GPAT4: variants seen among roughly 807,000 people sequenced by gnomAD.
The protein encoded by GPAT4 is 1-AGP acyltransferase 6.
GPAT4 carries 17 observed loss-of-function variants against 58.0 expected under a neutral mutation model. The observed-to-expected ratio is 0.29, with a 90% CI of 0.20 to 0.44. The LOEUF (loss-of-function observed/expected upper bound fraction) is 0.44, where lower values mean the gene tolerates loss of function less well. Among genes scored for constraint, GPAT4 ranks in the 20% least tolerant of loss-of-function variants. The probability of loss-of-function intolerance (pLI) is 1.00; values close to 1 mark genes in which losing one functional copy is unlikely to be tolerated. For synonymous variants in GPAT4, 204 were observed against 210.1 expected, an observed-to-expected ratio of 0.97 and a Z score of 0.25; for missense variants, 377 against 574.5, an observed-to-expected ratio of 0.66 and a Z score of 3.51.
At chr8:41,586,736 C>T (rs1347640612) in intron 1 of GPAT4, among the ~76,000 whole-genome samples, 3 of 152,154 alleles carry the variant, frequency 2.0e-5, no homozygotes, top group Non-Finnish European at 4.4e-5. Flanking sequence ...TGTGATCCCC[C>T]TCCTTTTTTT....
chr8:41,587,487 T>G (rs1223654804), intron 1 of GPAT4, among the ~76,000 whole-genome samples: 1 of 152,216 alleles, frequency 6.6e-6, no homozygotes, highest in African/African-American at 2.4e-5. Flanking sequence ...GCAGTCAGTA[T>G]CCCAGCACAT....
intron 10 of GPAT4, 144 bp from the exon 11 acceptor site, chr8:41,618,540 G>T: frequency 9.8e-7 from 1 of 1,019,568 alleles, no homozygotes. Flanking sequence ...CATGGAGAGG[G>T]GCTTCCACAG....
intron 7 of GPAT4, 121 bp downstream of exon 7, chr8:41,612,394 C>G (rs1803470946): frequency 4.3e-6 from 4 of 937,130 alleles, no homozygotes; most frequent in Non-Finnish European, 3.2e-6. Flanking sequence ...CCCCACCTTA[C>G]TGTCACTGTG....
chr8:41,610,216 A>G, intron 4 of GPAT4: 4 of 1,338,300 alleles, frequency 3.0e-6, no homozygotes, highest in South Asian at 1.8e-5. Flanking sequence ...GGGACAGGGA[A>G]CATTGTGTGC....
intron 2 of GPAT4, among the ~76,000 whole-genome samples, chr8:41,606,355 T>C (rs1803271460): frequency 6.6e-6 from 1 of 152,208 alleles, no homozygotes. Flanking sequence ...GACACCCAGC[T>C]GGTGCCTGCT....
In GPAT4 at chr8:41,620,966, A is replaced by G. The variant is rs1341781737; in HGVS notation, c.1336A>G (p.Ile446Val). The change falls in exon 13 of 13, where the codon ATC becomes GTC. Residue 446 changes from isoleucine to valine, a missense_variant. Ile to Val is a conservative substitution (Grantham distance 29, BLOSUM62 3). Transcript: ENST00000396987. ...GCAGCAGAAGCTGTACAGCAAGATGATCGTGGGGAACCACAAGGACAGGAG... is the reference window on the plus strand; with the variant it reads ...GCAGCAGAAGCTGTACAGCAAGATGGTCGTGGGGAACCACAAGGACAGGAG... ...EEQQKLYSKM[I>V]VGNHKDRSRS is the part of the protein sequence containing the mutation. The G allele has an allele frequency of 1.9e-6, 3 of 1,551,532 alleles. No individual in the cohort carries two copies. Among genetic ancestry groups the G allele is most frequent in the South Asian group, 1.2e-5 (1 of 84,038 alleles).
chr8:41,613,056 A>C, intron 8 of GPAT4, 96 bp downstream of exon 8: 1 of 988,534 alleles, frequency 1.0e-6, no homozygotes, highest in African/African-American at 1.6e-5. Flanking sequence ...CGTGCCTTCT[A>C]TCATAAGCCT....
At position 41,618,941 on chromosome 8, in the gene GPAT4, C is replaced by T; in HGVS notation, c.1226C>T (p.Ala409Val). 1 of 1,614,194 alleles carries T rather than the reference C, an allele frequency of 6.2e-7. No homozygotes were observed. Among genetic ancestry groups the T allele is most frequent in the Non-Finnish European group, 8.5e-7 (1 of 1,180,026 alleles). The change falls in exon 12 of 13, where the codon GCC becomes GTC. Residue 409 changes from alanine to valine, a missense_variant. Ala to Val is a moderately conservative substitution (Grantham distance 64, BLOSUM62 0). Coordinates refer to ENST00000396987, the MANE Select transcript of GPAT4 (RefSeq NM_178819.4). ...AVQFANRVKS[A>V]IARQGGLVDL... ...CAGTTTGCGAATAGGGTGAAATCTG[C>T]CATTGCCAGGCAGGGAGGACTTGTG...
intron 1 of GPAT4, among the ~76,000 whole-genome samples, chr8:41,589,021 A>G (rs1288470337): frequency 6.6e-6 from 1 of 152,224 alleles, no homozygotes; most frequent in Non-Finnish European, 1.5e-5. Context: ...TTAAGGGGTC[A>G]TGCTTATATT....
chr8:41,593,048 T>C (rs941753819), intron 1 of GPAT4, among the ~76,000 whole-genome samples: 3 of 152,208 alleles, frequency 2.0e-5, no homozygotes, highest in Admixed American at 2.0e-4. Context: ...TTACTTTTGG[T>C]CATATAGCCT....
At position 41,593,052 on chromosome 8, in the gene GPAT4, A is replaced by G. The variant is rs142832242; in HGVS notation, c.-848-5240A>G. ...AACAAATATACTTACTTTTGGTCATATAGCCTTTTTCCCCATCAAAAGAGC... is the reference window on the plus strand; with the variant it reads ...AACAAATATACTTACTTTTGGTCATGTAGCCTTTTTCCCCATCAAAAGAGC... On this transcript the variant is annotated intron_variant, in intron 1 of 12. Transcript: ENST00000396987. Among the ~76,000 whole-genome samples, 980 of 152,340 alleles carry G rather than the reference A, an allele frequency of 6.4e-3. 5 individuals are homozygous for G. The highest frequency in any genetic ancestry group is 0.011 in the Non-Finnish European group (743 of 68,026).
intron 2 of GPAT4, among the ~76,000 whole-genome samples, chr8:41,606,015 A>G (rs945977830): frequency 6.6e-6 from 1 of 152,226 alleles, no homozygotes; most frequent in Non-Finnish European, 1.5e-5. Flanking sequence ...GGGTGAGAGC[A>G]TCCTCTTGGG....
intron 8 of GPAT4, 124 bp from the exon 9 acceptor site, chr8:41,614,262 C>G: frequency 1.3e-6 from 1 of 759,914 alleles, no homozygotes; most frequent in Non-Finnish European, 2.1e-6. Flanking sequence ...TAAAAGGATA[C>G]AGTTATGCTT....
intron 8 of GPAT4, among the ~76,000 whole-genome samples, chr8:41,614,091 A>C (rs1275658785): frequency 6.6e-6 from 1 of 152,222 alleles, no homozygotes; most frequent in East Asian, 1.9e-4. Flanking sequence ...GGCCATGCCC[A>C]GGCCTTGTGG....
intron 6 of GPAT4, 60 bp from the exon 7 acceptor site, chr8:41,612,120 G>A (rs1803463341): frequency 6.3e-7 from 1 of 1,592,266 alleles, no homozygotes; most frequent in Non-Finnish European, 8.6e-7. Flanking sequence ...GAGGTGAGAG[G>A]TGTGTTACAT....
intron 2 of GPAT4, among the ~76,000 whole-genome samples, chr8:41,601,788 G>T (rs1378140736): frequency 6.6e-6 from 1 of 152,154 alleles, no homozygotes; most frequent in Non-Finnish European, 1.5e-5. Flanking sequence ...TTTGTATTGT[G>T]ACTATTATTT....
chr8:41,615,118 T>C lies in GPAT4; in HGVS notation c.1053+70T>C, dbSNP rs1037745904. 7 of 1,404,340 alleles carry C rather than the reference T, an allele frequency of 5.0e-6. No individual in the cohort carries two copies. In the African/African-American group the frequency reaches 5.7e-5, roughly 11 times the overall value. The allele number at this position is 1,404,340 out of a possible 1,614,324, so 87.0% of individuals were successfully genotyped here. A position where few individuals can be genotyped will look rare whatever the true frequency, so the allele number is the denominator to read the frequency against. On this transcript the variant is annotated intron_variant, in intron 10 of 12. Coordinates refer to ENST00000396987, the MANE Select transcript of GPAT4 (RefSeq NM_178819.4). ...GTGAGTGGGGTGCAGCAGGAGGAGG[T>C]AGAGGAAGGAGCTGGGGTCACCAGT...
chr8:41,590,016 G>C (rs1488451203), intron 1 of GPAT4, among the ~76,000 whole-genome samples: 1 of 152,220 alleles, frequency 6.6e-6, no homozygotes, highest in South Asian at 2.1e-4. Flanking sequence ...AAACACAAGA[G>C]CGTGTCTGTA....
intron 1 of GPAT4, among the ~76,000 whole-genome samples, chr8:41,586,740 T>A (rs1053164234): frequency 2.0e-5 from 3 of 152,140 alleles, no homozygotes; most frequent in African/African-American, 7.2e-5. Context: ...ATCCCCCTCC[T>A]TTTTTTAGAG....
Sources: gnomAD v4.1 joint callset for allele counts (sites outside exome capture counted in the v4.1 genomes callset) on GRCh38, gnomAD v4.1.1 for gene constraint, MANE v1.5 for transcripts, NCBI Gene and HGNC (gene_info 2026-07-23, HGNC 2026-07-21) for gene names.